The following KIF16B variants were observed in gnomAD, a reference collection of about 807,000 sequenced individuals.
KIF16B encodes the protein kinesin-like protein KIF16B.
Under a neutral mutation model 156.3 loss-of-function variants are expected in KIF16B, and 98 were observed. The ratio of observed to expected loss-of-function variants is 0.63; its 90% CI spans 0.53 to 0.74. KIF16B has a LOEUF of 0.74. KIF16B is among the 30% of genes least tolerant of loss of function. The pLI is 0.00. For missense variants in KIF16B, 1,421 were observed against 1,606.5 expected, an observed-to-expected ratio of 0.88 and a Z score of 1.97; for synonymous variants, 564 against 583.7, an observed-to-expected ratio of 0.97 and a Z score of 0.49.
intron 25 of KIF16B, among the ~76,000 whole-genome samples, chr20:16,310,831 C>T (rs1489889538): frequency 6.6e-6 from 1 of 152,190 alleles, no homozygotes; most frequent in African/African-American, 2.4e-5. Context: ...ACTCTGTAGT[C>T]TAACTCAAAT....
At chr20:16,324,764 T>C (rs985590344) in intron 24 of KIF16B, among the ~76,000 whole-genome samples, 9 of 151,864 alleles carry the variant, frequency 5.9e-5, no homozygotes, top group Non-Finnish European at 1.0e-4. Context: ...TTCCAAAAGA[T>C]AGAGAAAGAG....
intron 23 of KIF16B, among the ~76,000 whole-genome samples, chr20:16,355,048 G>A (rs147052986): frequency 9.8e-4 from 147 of 150,250 alleles, no homozygotes; most frequent in African/African-American, 3.4e-3. Context: ...CTTTTCTAAC[G>A]GAAAACTTAG....
intron 9 of KIF16B, among the ~76,000 whole-genome samples, chr20:16,504,874 A>G (rs1162120431): frequency 6.6e-6 from 1 of 152,202 alleles, no homozygotes; most frequent in African/African-American, 2.4e-5. Flanking sequence ...TGTCATCTCA[A>G]CATTAAGTAG....
intron 24 of KIF16B, among the ~76,000 whole-genome samples, chr20:16,316,038 AC>A (rs2063693163): frequency 6.6e-6 from 1 of 152,126 alleles, no homozygotes; most frequent in African/African-American, 2.4e-5. Context: ...AGTAGAAACC[AC>A]CTCCATGTCT....
At chr20:16,279,285 G>A (rs913257348) in intron 25 of KIF16B, among the ~76,000 whole-genome samples, 1 of 152,190 alleles carries the variant, frequency 6.6e-6, no homozygotes, top group Non-Finnish European at 1.5e-5. Context: ...CTAGCGCTTG[G>A]AGTCTCCTGG....
chr20:16,533,108 G>T (rs1182546905), intron 1 of KIF16B, among the ~76,000 whole-genome samples: 1 of 152,156 alleles, frequency 6.6e-6, no homozygotes, highest in Non-Finnish European at 1.5e-5. Context: ...TGAAGATGCA[G>T]GTAGGTTTTG....
rs115886582 is a variant in KIF16B at position 16,548,442 on chromosome 20, G to A, written c.48-20002C>T. Among the ~76,000 whole-genome samples, 162 of 152,300 alleles carry A rather than the reference G, an allele frequency of 1.1e-3. 1 individual carries two copies. The highest frequency in any genetic ancestry group is 3.6e-3 in the African/African-American group (150 of 41,566). On this transcript the variant is annotated intron_variant, in intron 1 of 25. Coordinates refer to ENST00000354981, the MANE Select transcript of KIF16B (RefSeq NM_024704.5). Reference sequence around the variant, plus strand: ...ACTGGTCTATGGGCAGTAAGGAACCGGGCCACACAGGAGGAGGTCAGCGGC... The same window carrying A: ...ACTGGTCTATGGGCAGTAAGGAACCAGGCCACACAGGAGGAGGTCAGCGGC...
At chr20:16,298,800 G>C (rs1314204925) in intron 25 of KIF16B, among the ~76,000 whole-genome samples, 4 of 152,112 alleles carry the variant, frequency 2.6e-5, no homozygotes, top group Non-Finnish European at 5.9e-5. Context: ...TGCAGGGTTA[G>C]AGGAGCACGG....
intron 10 of KIF16B, 86 bp downstream of exon 10, chr20:16,504,286 A>T (rs564576431): frequency 1.5e-6 from 2 of 1,320,338 alleles, no homozygotes; most frequent in East Asian, 4.6e-5. Flanking sequence ...AATCAATAGC[A>T]TGAGTGAGAA....
chr20:16,272,629 C>T lies in KIF16B; in HGVS notation c.*624G>A, dbSNP rs189506036. The T allele has an allele frequency of 6.6e-6, 1 of 152,592 alleles. No individual in the cohort carries two copies. Among genetic ancestry groups the T allele is most frequent in the Non-Finnish European group, 1.5e-5 (1 of 68,018 alleles). 9.5% of individuals were successfully genotyped at this position (152,592 alleles called of 1,614,324 possible). ...GTAATGTTGTCTACATCCAATTTGT[C>T]AAGCATGGAAGACTACAGTCATGAT... On this transcript the variant is annotated 3_prime_UTR_variant, in exon 26 of 26. Coordinates refer to ENST00000354981, the MANE Select transcript of KIF16B (RefSeq NM_024704.5).
chr20:16,462,515 A>G (rs927191721), intron 12 of KIF16B, among the ~76,000 whole-genome samples: 1 of 152,116 alleles, frequency 6.6e-6, no homozygotes, highest in African/African-American at 2.4e-5. Flanking sequence ...TGTCTTATAC[A>G]TATTTCTGTT....
At chr20:16,479,840 G>C (rs6034495) in intron 12 of KIF16B, among the ~76,000 whole-genome samples, 28,749 of 152,122 alleles carry the variant, frequency 0.19, 4,858 homozygotes, top group African/African-American at 0.46. Flanking sequence ...TGCACAATGA[G>C]AAAGTTGCCT....
chr20:16,433,598 CAG>C lies in KIF16B; in HGVS notation c.1303-3618_1303-3617del, dbSNP rs904506920. On this transcript the variant is annotated intron_variant, in intron 12 of 25. Transcript: ENST00000354981. Reference sequence around the variant, plus strand: ...GCATGTAGACACACACACACACACACAGAGACACACACACTCACACACACACA... The same window carrying C: ...GCATGTAGACACACACACACACACACAGACACACACACTCACACACACACA... 1.3e-4 allele frequency among the ~76,000 whole-genome samples: 17 copies of C among 132,272 alleles called. 1 individual carries two copies. Among genetic ancestry groups the C allele is most frequent in the South Asian group, 1.3e-3 (5 of 3,986 alleles). 86.8% of individuals were successfully genotyped at this position (132,272 alleles called of 152,430 possible). A position where few individuals can be genotyped will look rare whatever the true frequency, so the allele number is the denominator to read the frequency against.
At chr20:16,312,230 T>A in intron 25 of KIF16B, 105 bp downstream of exon 25, 1 of 764,724 alleles carries the variant, frequency 1.3e-6, no homozygotes, top group Non-Finnish European at 2.1e-6. Flanking sequence ...AGGCAGCATC[T>A]TCACACTTGT....
chr20:16,314,796 G>A (rs2063672539), intron 24 of KIF16B, among the ~76,000 whole-genome samples: 1 of 152,126 alleles, frequency 6.6e-6, no homozygotes, highest in Non-Finnish European at 1.5e-5. Flanking sequence ...GGAAGCCGTA[G>A]TGACATGGCT....
At chr20:16,378,700 A>C (rs1270876328) in intron 19 of KIF16B, 105 bp downstream of exon 19, 4 of 1,224,166 alleles carry the variant, frequency 3.3e-6, no homozygotes, top group Non-Finnish European at 4.5e-6. Flanking sequence ...ATGAAGGCTA[A>C]AAGAATAAGT....
At chr20:16,440,923 T>C (rs1194300327) in intron 12 of KIF16B, among the ~76,000 whole-genome samples, 2 of 152,210 alleles carry the variant, frequency 1.3e-5, no homozygotes, top group African/African-American at 2.4e-5. Flanking sequence ...ATCATCGAGA[T>C]GTCAGGATTT....
chr20:16,392,691 C>A (rs540326874), intron 17 of KIF16B, among the ~76,000 whole-genome samples: 14 of 152,340 alleles, frequency 9.2e-5, no homozygotes, highest in Admixed American at 4.6e-4. Flanking sequence ...TCTCAGAGCA[C>A]CAGCCTGTCT....
At position 16,302,233 on chromosome 20, in the gene KIF16B, C is replaced by G. The variant is rs963146203; in HGVS notation, c.3795+10102G>C. 7.2e-5 allele frequency among the ~76,000 whole-genome samples: 11 copies of G among 152,264 alleles called. No individual in the cohort carries two copies. The East Asian group carries it at 9.6e-4, about 13-fold the overall frequency. On this transcript the variant is annotated intron_variant, in intron 25 of 25. Transcript: ENST00000354981. Reference sequence around the variant, plus strand: ...ATCTAGGTTTTCTCCTATGTCATCTCCTAGGAATTTTATAGCTTTGTGTTT... The same window carrying G: ...ATCTAGGTTTTCTCCTATGTCATCTGCTAGGAATTTTATAGCTTTGTGTTT...
Sources: gnomAD v4.1 joint callset for allele counts (sites outside exome capture counted in the v4.1 genomes callset) on GRCh38, gnomAD v4.1.1 for gene constraint, MANE v1.5 for transcripts, NCBI Gene and HGNC (gene_info 2026-07-23, HGNC 2026-07-21) for gene names.